CREBBP: variants seen among roughly 807,000 people sequenced by gnomAD.
The protein encoded by CREBBP is CREB binding lysine acetyltransferase.
In CREBBP, 19 loss-of-function variants were observed where a neutral mutation model predicts 265.0. That is an observed-to-expected ratio of 0.07 (90% CI 0.05 to 0.11). The LOEUF (loss-of-function observed/expected upper bound fraction) is 0.11, where lower values mean the gene tolerates loss of function less well. CREBBP is among the 10% of genes least tolerant of loss of function. The pLI, the probability that CREBBP is intolerant of heterozygous loss-of-function variation, is 1.00. For missense variants in CREBBP, 2,525 were observed against 3,219.0 expected (o/e 0.78, Z 5.22); for synonymous variants, 1,457 against 1,223.7 (o/e 1.19, Z -3.98).
intron 21 of CREBBP, among the ~76,000 whole-genome samples, chr16:3,745,917 G>C (rs2052331303): frequency 1.3e-5 from 2 of 152,206 alleles, no homozygotes; most frequent in African/African-American, 4.8e-5. Flanking sequence ...AGTTGACAAG[G>C]GTTTATTCAA....
In CREBBP at chr16:3,774,895, G is replaced by A. The variant is rs551194374; in HGVS notation, c.2159-202C>T. The A allele has an allele frequency of 5.8e-6, 4 of 695,618 alleles. No homozygotes were observed. In the East Asian group the frequency reaches 1.1e-4, roughly 20 times the overall value. The allele number at this position is 695,618 out of a possible 1,614,324, so 43.1% of individuals were successfully genotyped here. ...GAGAAAACGGCATCAATGTGGGGGT[G>A]GTGACGGTGGCATGGTGAGGGGTAC... On this transcript the variant is annotated intron_variant, in intron 11 of 30. Transcript: ENST00000262367.
intron 13 of CREBBP, 81 bp from the exon 14 acceptor site, chr16:3,771,067 G>GA (rs890815497): frequency 1.4e-4 from 218 of 1,537,362 alleles, no homozygotes; most frequent in African/African-American, 4.7e-4. Context: ...TTAAATGTAT[G>GA]AAAAAAAAAT....
intron 21 of CREBBP, among the ~76,000 whole-genome samples, chr16:3,747,256 G>C (rs1035589619): frequency 6.6e-6 from 1 of 152,144 alleles, no homozygotes; most frequent in African/African-American, 2.4e-5. Flanking sequence ...TAGAACCAGT[G>C]CTATTCTTCA....
intron 4 of CREBBP, among the ~76,000 whole-genome samples, chr16:3,792,866 A>G (rs2053534373): frequency 6.6e-6 from 1 of 152,242 alleles, no homozygotes; most frequent in African/African-American, 2.4e-5. Flanking sequence ...CCCTGGGATG[A>G]TACAGTGCAT....
intron 4 of CREBBP, among the ~76,000 whole-genome samples, chr16:3,792,886 T>C (rs1255200294): frequency 6.6e-6 from 1 of 152,234 alleles, no homozygotes; most frequent in East Asian, 1.9e-4. Flanking sequence ...TAGTTCCCCA[T>C]GTCACTGCCA....
At chr16:3,796,775 T>C (rs916354899) in intron 3 of CREBBP, among the ~76,000 whole-genome samples, 4 of 152,222 alleles carry the variant, frequency 2.6e-5, no homozygotes, top group Non-Finnish European at 5.9e-5. Flanking sequence ...AATTTAAAAT[T>C]TGTTCTGTTA....
chr16:3,803,388 C>T (rs980806388), intron 3 of CREBBP, among the ~76,000 whole-genome samples: 7 of 150,640 alleles, frequency 4.6e-5, no homozygotes, highest in Non-Finnish European at 5.9e-5. Context: ...GCCTGTAATC[C>T]CAACTACTCG....
intron 2 of CREBBP, among the ~76,000 whole-genome samples, chr16:3,849,432 T>TGTGTGTGTGTGTG (rs1567360245): frequency 1.1e-3 from 10 of 9,076 alleles, no homozygotes; most frequent in Admixed American, 4.4e-3. Context: ...TGTGTGTGTG[T>TGTGTGTGTGTGTG]GTGTGTGTGT....
At position 3,852,218 on chromosome 16, in the gene CREBBP, G is replaced by C. The variant is rs557773669; in HGVS notation, c.86-1209C>G. On this transcript the variant is annotated intron_variant, in intron 1 of 30. Transcript: ENST00000262367. ...CTCGCTCTGCGGCCCAGGCTGGATG[G>C]AGTGCAGTGGCGTGATCTCGGCTCA... 3.6e-3 allele frequency among the ~76,000 whole-genome samples: 476 copies of C among 130,882 alleles called. 2 individuals are homozygous for C. The highest frequency in any genetic ancestry group is 0.013 in the African/African-American group (458 of 34,860). The allele number at this position is 130,882 out of a possible 152,430, so 85.9% of individuals were successfully genotyped here.
chr16:3,808,337 T>G (rs530724644), intron 3 of CREBBP, among the ~76,000 whole-genome samples: 2 of 152,336 alleles, frequency 1.3e-5, no homozygotes, highest in East Asian at 3.9e-4. Context: ...AGAACATATG[T>G]TGGTGCCTTG....
intron 1 of CREBBP, among the ~76,000 whole-genome samples, chr16:3,851,349 AGTTT>A (rs1380930057): frequency 2.6e-5 from 4 of 151,252 alleles, no homozygotes; most frequent in African/African-American, 9.7e-5. Flanking sequence ...ATGATTTACA[AGTTT>A]GTTTGGGAAA....
intron 2 of CREBBP, among the ~76,000 whole-genome samples, chr16:3,814,215 C>CTGTGTGTGTG (rs6145729): frequency 2.9e-5 from 3 of 104,000 alleles, no homozygotes; most frequent in Non-Finnish European, 6.0e-5. Flanking sequence ...GAGTCTCGTT[C>CTGTGTGTGTG]TGTGTGTGTG....
rs2141237094 is a variant in CREBBP at position 3,778,713 on chromosome 16, G to C, written c.1928C>G (p.Ser643Cys). Residue 643 changes from serine (S) to cysteine (C), a missense_variant, in exon 9 of 31, where the codon TCT becomes TGT. By Grantham distance (112) the Ser-to-Cys change is moderately radical. Transcript: ENST00000262367. ...ACAGCAACCTACCCTGCTGTTGGCA[G>C]ACTCGTACATGTCCCCTTCCACTTT... Reference protein sequence around the residue: ...AKKVEGDMYESANSRDEYYHL... With the variant: ...AKKVEGDMYECANSRDEYYHL... 1.2e-6 allele frequency: 2 copies of C among 1,613,628 alleles called. No individual in the cohort carries two copies. The highest frequency in any genetic ancestry group is 2.7e-5 in the African/African-American group (2 of 75,024).
rs539147774 is a variant in CREBBP at position 3,848,052 on chromosome 16, C to G, written c.798+2245G>C. ...GGGAGCAGTGGCACGCGCCTGTAAT[C>G]CCAGCTACTCAGGAGGCTGAGGCAG... On this transcript the variant is annotated intron_variant, in intron 2 of 30. Transcript: ENST00000262367. Among the ~76,000 whole-genome samples the G allele has an allele frequency of 2.6e-5, 4 of 152,094 alleles. No individual in the cohort carries two copies. The South Asian group carries it at 8.3e-4, about 32-fold the overall frequency.
At chr16:3,754,385 T>C (rs2052542242) in intron 19 of CREBBP, among the ~76,000 whole-genome samples, 1 of 152,176 alleles carries the variant, frequency 6.6e-6, no homozygotes, top group Non-Finnish European at 1.5e-5. Flanking sequence ...CACTTTATTC[T>C]CCCTGGAAAC....
chr16:3,800,717 G>C (rs1302381074), intron 3 of CREBBP, among the ~76,000 whole-genome samples: 1 of 151,830 alleles, frequency 6.6e-6, no homozygotes, highest in Non-Finnish European at 1.5e-5. Context: ...AGACCCTGTT[G>C]CTAAAAAAAG....
At chr16:3,784,067 TAG>T (rs1004718493) in intron 5 of CREBBP, among the ~76,000 whole-genome samples, 18 of 152,334 alleles carry the variant, frequency 1.2e-4, no homozygotes, top group African/African-American at 3.4e-4. Context: ...CCACAAATTT[TAG>T]AGTCATGTTA....
chr16:3,768,910 T>A (rs914743363), intron 15 of CREBBP, among the ~76,000 whole-genome samples: 3 of 152,138 alleles, frequency 2.0e-5, no homozygotes, highest in Non-Finnish European at 4.4e-5. Context: ...GAACATAAAA[T>A]AAAAGGCTGT....
At chr16:3,868,139 G>C (rs2141572487) in intron 1 of CREBBP, among the ~76,000 whole-genome samples, 1 of 152,240 alleles carries the variant, frequency 6.6e-6, no homozygotes, top group East Asian at 1.9e-4. Context: ...GCTAACACTG[G>C]TTGCCTATGG....
Sources: allele counts gnomAD v4.1 joint callset (sites outside exome capture counted in the v4.1 genomes callset), GRCh38; gene constraint gnomAD v4.1.1; transcripts MANE v1.5; gene names NCBI Gene and HGNC (gene_info 2026-07-23, HGNC 2026-07-21).